PPM1L: variants seen among roughly 807,000 people sequenced by gnomAD.
PPM1L encodes protein phosphatase, Mg2+/Mn2+ dependent 1L, also known as protein phosphatase 1L.
A neutral mutation model predicts 31.4 loss-of-function variants in PPM1L; 13 were observed. The observed-to-expected ratio is 0.41, with a 90% CI of 0.27 to 0.66. The LOEUF (loss-of-function observed/expected upper bound fraction) is 0.66, where lower values mean the gene tolerates loss of function less well. Ranked by LOEUF, PPM1L falls within the 30% of genes least tolerant of loss-of-function variation. PPM1L has a pLI of 0.29. For synonymous variants in PPM1L, 184 were observed against 175.4 expected (o/e 1.05, Z -0.39); for missense variants, 326 against 453.7 (o/e 0.72, Z 2.56).
chr3:160,860,289 A>G (rs1231297522), intron 1 of PPM1L, among the ~76,000 whole-genome samples: 1 of 152,202 alleles, frequency 6.6e-6, no homozygotes. Context: ...CACAACCAGT[A>G]CAAACTCCTG....
chr3:160,831,813 GT>G (rs1171855576), intron 1 of PPM1L, among the ~76,000 whole-genome samples: 3 of 152,134 alleles, frequency 2.0e-5, no homozygotes, highest in Non-Finnish European at 1.5e-5. Flanking sequence ...CTGAGATTTG[GT>G]TTTCTCATTA....
chr3:160,969,084 A>G (rs890203044), intron 2 of PPM1L, among the ~76,000 whole-genome samples: 1 of 152,190 alleles, frequency 6.6e-6, no homozygotes. Context: ...GGGAGCCTGC[A>G]TATTCATTTA....
Position 160,756,520 on chromosome 3 carries a change from G to C in PPM1L, c.212G>C (p.Arg71Pro). The C allele has an allele frequency of 6.2e-7, 1 of 1,614,128 alleles. No individual in the cohort carries two copies. The highest frequency in any genetic ancestry group is 8.5e-7 in the Non-Finnish European group (1 of 1,180,016). ...GKVAEIMQND[R>P]LGGLDVLEAE... The stretch of plus-strand genomic sequence containing the variant: ...GTAGCCGAGATCATGCAGAACGATC[G>C]ACTCGGGGGGCTTGATGTGCTCGAG... The change falls in exon 1 of 4, where the codon CGA becomes CCA. Residue 71 changes from arginine to proline, a missense_variant. Around this residue, in one of 3 missense-constraint regions of PPM1L, gnomAD observed 83 missense variants for 79.4 expected, o/e 1.04. Coordinates refer to ENST00000498165, the MANE Select transcript of PPM1L (RefSeq NM_139245.4). The surrounding 1 kb of genome is among the most constrained non-coding windows in gnomAD (Gnocchi z 6.2).
rs1017124933 is a variant in PPM1L at position 161,070,705 on chromosome 3, T to C, written c.*1548T>C. ...GTTTTGTTCTTTCCCTGTGAGCATT[T>C]GTGGTTATAGCTTCCCATATGCCAC... is the stretch of plus-strand genomic sequence containing the variant. On this transcript the variant is annotated 3_prime_UTR_variant, in exon 4 of 4. Coordinates refer to ENST00000498165, the MANE Select transcript of PPM1L (RefSeq NM_139245.4). The C allele has an allele frequency of 6.6e-6, 1 of 152,212 alleles. No homozygotes were observed. Among genetic ancestry groups the C allele is most frequent in the Non-Finnish European group, 1.5e-5 (1 of 68,064 alleles). 9.4% of individuals were successfully genotyped at this position (152,212 alleles called of 1,614,324 possible). A position where few individuals can be genotyped will look rare whatever the true frequency, so the allele number is the denominator to read the frequency against.
At chr3:160,990,363 T>C (rs936729389) in intron 2 of PPM1L, among the ~76,000 whole-genome samples, 1 of 152,142 alleles carries the variant, frequency 6.6e-6, no homozygotes, top group Non-Finnish European at 1.5e-5. Flanking sequence ...TAATATAATC[T>C]ACCTATATGT....
chr3:160,971,269 G>C (rs1716333220), intron 2 of PPM1L, among the ~76,000 whole-genome samples: 1 of 152,160 alleles, frequency 6.6e-6, no homozygotes, highest in African/African-American at 2.4e-5. Flanking sequence ...ATCTCTTCCA[G>C]TCGTAACAAT....
chr3:160,785,985 T>TA (rs1017274103), intron 1 of PPM1L, among the ~76,000 whole-genome samples: 3 of 149,754 alleles, frequency 2.0e-5, no homozygotes, highest in East Asian at 1.9e-4. Flanking sequence ...GCAATATCTA[T>TA]AAAAAAAAAT....
chr3:160,814,568 T>C (rs937847541), intron 1 of PPM1L, among the ~76,000 whole-genome samples: 3 of 100,950 alleles, frequency 3.0e-5, no homozygotes, highest in African/African-American at 1.3e-4. Context: ...CATATGTATG[T>C]ATGTGTATAT....
intron 2 of PPM1L, among the ~76,000 whole-genome samples, chr3:161,022,783 C>G (rs1343799842): frequency 6.6e-6 from 1 of 151,604 alleles, no homozygotes; most frequent in African/African-American, 2.4e-5. Flanking sequence ...CCTGCCTCAG[C>G]CTCCCGAGTA....
intron 1 of PPM1L, among the ~76,000 whole-genome samples, chr3:160,913,418 T>G (rs1207129462): frequency 6.6e-6 from 1 of 152,184 alleles, no homozygotes; most frequent in African/African-American, 2.4e-5. Context: ...AGGCATAATT[T>G]ATCCACAGTA....
intron 1 of PPM1L, among the ~76,000 whole-genome samples, chr3:160,901,431 T>A (rs1314759821): frequency 6.6e-6 from 1 of 152,108 alleles, no homozygotes; most frequent in Non-Finnish European, 1.5e-5. Flanking sequence ...TTTATAAGGG[T>A]CTACAGGATC....
At chr3:160,831,591 T>C (rs1402078407) in intron 1 of PPM1L, among the ~76,000 whole-genome samples, 1 of 152,126 alleles carries the variant, frequency 6.6e-6, no homozygotes, top group Non-Finnish European at 1.5e-5. Flanking sequence ...TGGGAGCTAA[T>C]TAGATGTCTC....
chr3:160,850,281 T>C (rs1011518744), intron 1 of PPM1L, among the ~76,000 whole-genome samples: 2 of 152,138 alleles, frequency 1.3e-5, no homozygotes, highest in Admixed American at 1.3e-4. Context: ...AAGCACTAGA[T>C]TTGGACAGTG....
chr3:160,999,036 T>TA (rs765528035), intron 2 of PPM1L, among the ~76,000 whole-genome samples: 8 of 152,190 alleles, frequency 5.3e-5, no homozygotes, highest in Non-Finnish European at 1.0e-4. Flanking sequence ...ACATGGTTGC[T>TA]ACCGCCTGGC....
At chr3:160,806,813 GAAAGAA>G (rs1238088841) in intron 1 of PPM1L, among the ~76,000 whole-genome samples, 1 of 143,442 alleles carries the variant, frequency 7.0e-6, no homozygotes, top group African/African-American at 2.6e-5. Flanking sequence ...AGAGCAAAGA[GAAAGAA>G]AAAGAAAAGA....
chr3:160,866,311 A>G (rs555274912), intron 1 of PPM1L, among the ~76,000 whole-genome samples: 1 of 152,354 alleles, frequency 6.6e-6, no homozygotes, highest in Non-Finnish European at 1.5e-5. Flanking sequence ...TTTATAAATT[A>G]TGAAGGTTAT....
intron 2 of PPM1L, among the ~76,000 whole-genome samples, chr3:161,059,991 C>T (rs1170857683): frequency 6.6e-6 from 1 of 152,104 alleles, no homozygotes; most frequent in East Asian, 1.9e-4. Context: ...AACCTCTTTT[C>T]TGTATAAATT....
In PPM1L at chr3:160,961,786, T is replaced by C; in HGVS notation, c.450T>C (p.His150=). 1 of 1,603,306 alleles carries C rather than the reference T, an allele frequency of 6.2e-7. No individual in the cohort carries two copies. Among genetic ancestry groups the C allele is most frequent in the Non-Finnish European group, 8.5e-7 (1 of 1,175,756 alleles). The change falls in exon 2 of 4, where the codon CAT becomes CAC. Residue 150 remains histidine, a synonymous_variant. Coordinates refer to ENST00000498165, the MANE Select transcript of PPM1L (RefSeq NM_139245.4). Reference sequence around the variant, plus strand: ...GACTCCCAGAGGCCCTTAAACAGCATCTTCAGGACTACGAGAAAGACAAAG... The same window carrying C: ...GACTCCCAGAGGCCCTTAAACAGCACCTTCAGGACTACGAGAAAGACAAAG... ...KSRLPEALKQ[H]LQDYEKDKEN...
At chr3:160,861,460 A>G (rs9831287) in intron 1 of PPM1L, among the ~76,000 whole-genome samples, 66,525 of 152,004 alleles carry the variant, frequency 0.44, 14,965 homozygotes, top group East Asian at 0.59. Flanking sequence ...TTGCTCTTAA[A>G]GGCATTATAG....
Sources: allele counts gnomAD v4.1 joint callset (sites outside exome capture counted in the v4.1 genomes callset), GRCh38; gene constraint gnomAD v4.1.1; regional missense constraint gnomAD v4.1.1; non-coding constraint Gnocchi (gnomAD v3.1); transcripts MANE v1.5; gene names NCBI Gene and HGNC (gene_info 2026-07-23, HGNC 2026-07-21).